SNX8: variants seen among roughly 807,000 people sequenced by gnomAD.
SNX8 encodes sorting nexin 8, also known as sorting nexin-8.
Under a neutral mutation model 51.6 loss-of-function variants are expected in SNX8, and 25 were observed. That is an observed-to-expected ratio of 0.48 (90% CI 0.35 to 0.68). The LOEUF is 0.68. Among genes scored for constraint, SNX8 ranks in the 30% least tolerant of loss-of-function variants. SNX8 has a pLI of 0.00. For missense variants in SNX8, 695 were observed against 624.0 expected, an observed-to-expected ratio of 1.11 and a Z score of -1.21; for synonymous variants, 324 against 277.0, an observed-to-expected ratio of 1.17 and a Z score of -1.68.
chr7:2,308,891 G>C (rs1191534380), intron 1 of SNX8, among the ~76,000 whole-genome samples: 1 of 148,402 alleles, frequency 6.7e-6, no homozygotes, highest in Non-Finnish European at 1.5e-5. Flanking sequence ...CCAGGTTAAC[G>C]CAATTCTCCC....
At chr7:2,332,249 T>G (rs1203816594) in intron 1 of SNX8, among the ~76,000 whole-genome samples, 1 of 150,422 alleles carries the variant, frequency 6.6e-6, no homozygotes, top group East Asian at 1.9e-4. Context: ...TATACACATA[T>G]ATAATAAAAT....
intron 1 of SNX8, among the ~76,000 whole-genome samples, chr7:2,350,228 G>A (rs983939421): frequency 1.6e-4 from 25 of 152,106 alleles, no homozygotes; most frequent in African/African-American, 5.6e-4. Context: ...CCAAGCCTGC[G>A]AGGTAAGAAA....
chr7:2,324,233 C>G (rs1015714757), intron 1 of SNX8, among the ~76,000 whole-genome samples: 2 of 151,730 alleles, frequency 1.3e-5, no homozygotes, highest in African/African-American at 4.8e-5. Context: ...TTACTTGAGC[C>G]CAGGAATTCA....
intron 1 of SNX8, among the ~76,000 whole-genome samples, chr7:2,327,385 G>A (rs1468705999): frequency 1.3e-5 from 2 of 150,594 alleles, no homozygotes; most frequent in East Asian, 3.9e-4. Context: ...GACTACAGGC[G>A]CCCACCACCA....
chr7:2,257,604 G>A (rs1462242743), intron 8 of SNX8, 90 bp from the exon 9 acceptor site: 4 of 1,574,538 alleles, frequency 2.5e-6, no homozygotes, highest in East Asian at 2.2e-5. Context: ...CCCGCCAGAC[G>A]GAAGGCCCCG....
rs926988011 is a variant in SNX8, at chr7:2,257,800, T to G, written c.919A>C (p.Lys307Gln). Reference sequence around the variant, plus strand: ...TCCACCACGTCGTTCTCTTCCTGCTTACCCTGGAAGGCGAGGGGGAGCTCA... The same window carrying G: ...TCCACCACGTCGTTCTCTTCCTGCTGACCCTGGAAGGCGAGGGGGAGCTCA... ...LLADKAAQQGKQEENDVVEKL... is the reference protein window; with the variant it reads ...LLADKAAQQGQQEENDVVEKL... Residue 307 changes from lysine (K) to glutamine (Q), a missense_variant, in exon 8 of 11, where the codon AAG (lysine) becomes CAG (glutamine). Lys to Gln is a moderately conservative substitution (Grantham distance 53). Transcript: ENST00000222990. 2.6e-5 allele frequency: 42 copies of G among 1,613,800 alleles called. No homozygotes were observed. The highest frequency in any genetic ancestry group is 3.4e-5 in the Non-Finnish European group (40 of 1,179,952).
chr7:2,267,375 C>T (rs376358705), intron 5 of SNX8, among the ~76,000 whole-genome samples: 2,420 of 139,426 alleles, frequency 0.017, 41 homozygotes, highest in East Asian at 0.044. Context: ...CATGCGGAGC[C>T]GAAGCTGGAC....
intron 1 of SNX8, among the ~76,000 whole-genome samples, chr7:2,289,694 A>C (rs1409090723): frequency 6.6e-6 from 1 of 152,138 alleles, no homozygotes; most frequent in African/African-American, 2.4e-5. Context: ...CTCTGAACAT[A>C]GTTTCGGAAG....
chr7:2,304,631 C>T lies in SNX8; in HGVS notation c.94+9697G>A, dbSNP rs548860031. ...GAGTAGCCCACCTTGGAGGGAAGCA[C>T]GCCCATTTGCACATAACACAGGGTC... On this transcript the variant is annotated intron_variant, in intron 1 of 10. Transcript: ENST00000222990. 3.3e-5 allele frequency among the ~76,000 whole-genome samples: 5 copies of T among 152,056 alleles called. No individual in the cohort carries two copies. The East Asian group carries it at 5.8e-4, about 18-fold the overall frequency.
At chr7:2,315,509 GTTCA>G (rs576663558), upstream of SNX8, among the ~76,000 whole-genome samples, 107 of 89,216 alleles carry the variant, frequency 1.2e-3, no homozygotes, top group African/African-American at 4.6e-3. Context: ...TTCTTCATAC[GTTCA>G]TTCACCCACT....
At chr7:2,258,716 C>T (rs928674585) in intron 7 of SNX8, among the ~76,000 whole-genome samples, 43 of 152,264 alleles carry the variant, frequency 2.8e-4, no homozygotes, top group Non-Finnish European at 4.6e-4. Context: ...GAGAGGCGGC[C>T]GCCCCAGGCT....
intron 9 of SNX8, 40 bp from the exon 10 acceptor site, chr7:2,257,063 G>C (rs1443596550): frequency 6.4e-6 from 10 of 1,552,948 alleles, no homozygotes; most frequent in Non-Finnish European, 8.7e-6. Context: ...CGGCCCAGCC[G>C]GCGACGGGAG....
At chr7:2,344,375 G>A (rs1457290619) in intron 1 of SNX8, among the ~76,000 whole-genome samples, 1 of 145,738 alleles carries the variant, frequency 6.9e-6, no homozygotes, top group African/African-American at 2.6e-5. Context: ...ACTTTGGGAG[G>A]CCCAGACGGG....
At chr7:2,270,732 A>T (rs1043167427) in intron 4 of SNX8, among the ~76,000 whole-genome samples, 4 of 152,190 alleles carry the variant, frequency 2.6e-5, no homozygotes, top group Non-Finnish European at 4.4e-5. Context: ...CATCTCAGGC[A>T]CAGGGGGAAG....
At chr7:2,273,432 A>T (rs1256442514) in intron 3 of SNX8, among the ~76,000 whole-genome samples, 2 of 150,534 alleles carry the variant, frequency 1.3e-5, no homozygotes, top group Non-Finnish European at 3.0e-5. Context: ...TACAAAAAAA[A>T]ATAATTAGCC....
At chr7:2,295,402 C>CAAAA in intron 1 of SNX8, among the ~76,000 whole-genome samples, 1 of 91,896 alleles carries the variant, frequency 1.1e-5, no homozygotes, top group South Asian at 3.7e-4. Context: ...TACTCCATCT[C>CAAAA]AAAAAAAAAA....
intron 1 of SNX8, chr7:2,309,856 T>C (rs749025802): frequency 1.5e-5 from 7 of 470,634 alleles, no homozygotes; most frequent in African/African-American, 1.0e-4. Context: ...CCAGGGTGCA[T>C]GGAAGTCGCC....
intron 7 of SNX8, among the ~76,000 whole-genome samples, chr7:2,261,950 ACT>A (rs535298718): frequency 1.2e-3 from 183 of 152,252 alleles, no homozygotes; most frequent in Non-Finnish European, 1.5e-3. Context: ...CACTCTGATC[ACT>A]CTCTTCAAAC....
chr7:2,333,737 A>G (rs915100590), intron 1 of SNX8, among the ~76,000 whole-genome samples: 4 of 152,232 alleles, frequency 2.6e-5, no homozygotes, highest in Non-Finnish European at 4.4e-5. Flanking sequence ...GATTAATTCA[A>G]TTAACCTCAT....
Sources: gnomAD v4.1 joint callset for allele counts (sites outside exome capture counted in the v4.1 genomes callset) on GRCh38, gnomAD v4.1.1 for gene constraint, MANE v1.5 for transcripts, NCBI Gene and HGNC (gene_info 2026-07-23, HGNC 2026-07-21) for gene names.